The following DECR1 variants were observed in gnomAD, a reference collection of about 807,000 sequenced individuals.
DECR1 encodes the protein 2,4-dienoyl-CoA reductase [(3E)-enoyl-CoA-producing], mitochondrial.
In DECR1, 44 loss-of-function variants were observed where a neutral mutation model predicts 38.8. The observed-to-expected ratio is 1.13, with a 90% CI of 0.89 to 1.46. The LOEUF (loss-of-function observed/expected upper bound fraction) is 1.46, where lower values mean the gene tolerates loss of function less well. DECR1 is among the 40% of genes most tolerant of loss of function. DECR1 has a pLI of 0.00. For synonymous variants in DECR1, 148 were observed against 135.2 expected, an observed-to-expected ratio of 1.09 and a Z score of -0.66; for missense variants, 428 against 405.5, an observed-to-expected ratio of 1.06 and a Z score of -0.48.
At chr8:90,006,197 G>A (rs936610211) in intron 1 of DECR1, 3 of 704,054 alleles carry the variant, frequency 4.3e-6, no homozygotes, top group Non-Finnish European at 5.2e-6. Context: ...ACAGAAAGAA[G>A]CCTGGAGTTG....
chr8:90,017,742 G>T (rs1360301977), intron 2 of DECR1, among the ~76,000 whole-genome samples: 1 of 152,176 alleles, frequency 6.6e-6, no homozygotes, highest in Non-Finnish European at 1.5e-5. Context: ...GGGCAACATA[G>T]TGAGACCTTG....
intron 4 of DECR1, among the ~76,000 whole-genome samples, chr8:90,020,410 CAG>C (rs1813123425): frequency 6.6e-6 from 1 of 152,076 alleles, no homozygotes; most frequent in South Asian, 2.1e-4. Flanking sequence ...TATTTTGAGA[CAG>C]AGTCTTGCTC....
At chr8:90,029,316 A>G (rs1263248278) in intron 5 of DECR1, 1 of 152,194 alleles carries the variant, frequency 6.6e-6, no homozygotes, top group Non-Finnish European at 1.5e-5. Context: ...ATGTGAATGG[A>G]CATCCGATAG....
chr8:90,036,492 T>G (rs1165171049), intron 5 of DECR1, among the ~76,000 whole-genome samples: 4 of 152,184 alleles, frequency 2.6e-5, no homozygotes, highest in African/African-American at 9.7e-5. Context: ...TAAGTTTAAT[T>G]CTGATTTATT....
chr8:90,049,649 C>G lies in DECR1; in HGVS notation c.886-2028C>G, dbSNP rs1251896730. Among the ~76,000 whole-genome samples the G allele has an allele frequency of 2.0e-5, 3 of 152,288 alleles. No individual in the cohort carries two copies. The South Asian group carries it at 6.2e-4, about 32-fold the overall frequency. ...GCCATCCCCATCAAGCTACCAATGA[C>G]TTTCTTCACAGAATTGGAAAAAACT... On this transcript the variant is annotated intron_variant, in intron 8 of 9. Transcript: ENST00000220764.
chr8:90,037,084 C>A, intron 6 of DECR1, 144 bp downstream of exon 6: 1 of 606,756 alleles, frequency 1.6e-6, no homozygotes, highest in Non-Finnish European at 2.9e-6. Context: ...TTTTATCTCC[C>A]AGATAAGTCC....
intron 1 of DECR1, chr8:90,005,595 G>C (rs1812718898): frequency 2.9e-5 from 11 of 372,936 alleles, no homozygotes; most frequent in South Asian, 2.2e-4. Flanking sequence ...AAGGCAGCTG[G>C]CTCCCAAAAG....
intron 4 of DECR1, among the ~76,000 whole-genome samples, chr8:90,019,396 G>T (rs1461898190): frequency 6.6e-6 from 1 of 152,244 alleles, no homozygotes; most frequent in Non-Finnish European, 1.5e-5. Context: ...GAATGGATCT[G>T]TGACTGTTCC....
Position 90,006,006 on chromosome 8 carries a change from A to G in DECR1, c.69+4445A>G, listed in dbSNP as rs908029145. 8.5e-6 allele frequency: 5 copies of G among 591,620 alleles called. No individual in the cohort carries two copies. In the African/African-American group the frequency reaches 9.3e-5, roughly 11 times the overall value. The allele number at this position is 591,620 out of a possible 1,614,324, so 36.6% of individuals were successfully genotyped here. A position where few individuals can be genotyped will look rare whatever the true frequency, so the allele number is the denominator to read the frequency against. The stretch of plus-strand genomic sequence containing the variant: ...TCACAACCTGCTTTAGTGGGAACTA[A>G]TAGAGTGCAAACTCACTTGCCACTG... On this transcript the variant is annotated intron_variant, in intron 1 of 9. Transcript: ENST00000220764.
At chr8:90,015,865 A>G (rs1812994564) in intron 1 of DECR1, among the ~76,000 whole-genome samples, 1 of 152,204 alleles carries the variant, frequency 6.6e-6, no homozygotes, top group Non-Finnish European at 1.5e-5. Flanking sequence ...GGCAATATAT[A>G]TATTTTTTAT....
At chr8:90,034,329 T>C (rs1016264850) in intron 5 of DECR1, among the ~76,000 whole-genome samples, 4 of 152,198 alleles carry the variant, frequency 2.6e-5, no homozygotes, top group African/African-American at 9.6e-5. Context: ...CTTTTGCAAA[T>C]ATTAAGTATT....
At chr8:90,024,199 G>C (rs1191349551) in intron 5 of DECR1, among the ~76,000 whole-genome samples, 1 of 152,152 alleles carries the variant, frequency 6.6e-6, no homozygotes, top group Admixed American at 6.6e-5. Flanking sequence ...TGTCTTTATA[G>C]CAGCATGATT....
intron 5 of DECR1, among the ~76,000 whole-genome samples, chr8:90,026,258 C>A (rs1366199829): frequency 6.6e-6 from 1 of 152,150 alleles, no homozygotes; most frequent in Non-Finnish European, 1.5e-5. Flanking sequence ...AGGGAGGATT[C>A]CCTCTTTTTC....
At chr8:90,024,052 C>A (rs1038894923) in intron 5 of DECR1, among the ~76,000 whole-genome samples, 1 of 152,112 alleles carries the variant, frequency 6.6e-6, no homozygotes, top group East Asian at 1.9e-4. Context: ...TGAACTCGTC[C>A]TTTTTTATGG....
At chr8:90,009,382 T>C (rs988460912) in intron 1 of DECR1, among the ~76,000 whole-genome samples, 4 of 152,176 alleles carry the variant, frequency 2.6e-5, no homozygotes, top group Admixed American at 2.6e-4. Context: ...CTATCCCTAT[T>C]CTCTGCCTTA....
Position 90,042,805 on chromosome 8 carries a change from G to C in DECR1, c.738+5G>C, listed in dbSNP as rs762015504. The C allele has an allele frequency of 8.7e-6, 14 of 1,609,682 alleles. No individual in the cohort carries two copies. Among genetic ancestry groups the C allele is most frequent in the Non-Finnish European group, 1.2e-5 (14 of 1,176,262 alleles). On this transcript the variant is annotated splice_donor_5th_base_variant and intron_variant, in intron 7 of 9. Coordinates refer to ENST00000220764, the MANE Select transcript of DECR1 (RefSeq NM_001359.2). ...CCAGGGCCTATAAAAACCAAAGTAA[G>C]TTGTATTTTGCTTGTTATCACATTG...
chr8:90,033,295 A>T (rs909710881), intron 5 of DECR1, among the ~76,000 whole-genome samples: 13 of 151,982 alleles, frequency 8.6e-5, no homozygotes, highest in African/African-American at 3.1e-4. Flanking sequence ...ATTTTTTTCC[A>T]TTTCAAAATA....
chr8:90,001,690 G>T (rs1374375411), intron 1 of DECR1, 129 bp downstream of exon 1: 6 of 815,112 alleles, frequency 7.4e-6, no homozygotes, highest in South Asian at 1.8e-5. Flanking sequence ...AGGACAGGGC[G>T]TCCCGGGGGT....
At chr8:90,027,837 G>C (rs150179366) in intron 5 of DECR1, among the ~76,000 whole-genome samples, 1 of 151,846 alleles carries the variant, frequency 6.6e-6, no homozygotes. Flanking sequence ...CATTTATTGA[G>C]ATGGGTATAT....
Sources: gnomAD v4.1 joint callset for allele counts (sites outside exome capture counted in the v4.1 genomes callset) on GRCh38, gnomAD v4.1.1 for gene constraint, MANE v1.5 for transcripts, NCBI Gene and HGNC (gene_info 2026-07-23, HGNC 2026-07-21) for gene names.